The following RYR2 variants were observed in gnomAD, a reference collection of about 807,000 sequenced individuals.
RYR2 encodes cardiac muscle ryanodine receptor-calcium release channel.
Under a neutral mutation model 601.1 loss-of-function variants are expected in RYR2, and 227 were observed. The observed-to-expected ratio is 0.38, with a 90% CI of 0.34 to 0.42. RYR2 has a LOEUF of 0.42. Ranked by LOEUF, RYR2 falls within the 10% of genes least tolerant of loss-of-function variation. The pLI is 1.00. For missense variants in RYR2, 4,646 were observed against 6,156.5 expected (o/e 0.75, Z 8.21); for synonymous variants, 2,223 against 2,175.1 (o/e 1.02, Z -0.61).
At chr1:237,781,751 A>ATGAT (rs1233680456) in intron 89 of RYR2, 105 bp downstream of exon 89, 1 of 509,978 alleles carries the variant, frequency 2.0e-6, no homozygotes, top group Non-Finnish European at 3.5e-6. Context: ...GCACTCAGAT[A>ATGAT]TGATAGATGC....
chr1:237,176,462 C>A (rs1678072732), intron 1 of RYR2, among the ~76,000 whole-genome samples: 1 of 151,402 alleles, frequency 6.6e-6, no homozygotes, highest in Admixed American at 6.6e-5. Context: ...ATGAAAATCA[C>A]AAAAATGGCC....
At chr1:237,304,692 AAGG>A (rs1218367619) in intron 2 of RYR2, among the ~76,000 whole-genome samples, 2 of 152,000 alleles carry the variant, frequency 1.3e-5, no homozygotes, top group South Asian at 2.1e-4. Context: ...TATAGATAGA[AAGG>A]AGAATCATTT....
intron 77 of RYR2, among the ~76,000 whole-genome samples, chr1:237,730,820 A>C (rs778674949): frequency 6.6e-6 from 1 of 152,136 alleles, no homozygotes; most frequent in Non-Finnish European, 1.5e-5. Context: ...GTGGAGCATG[A>C]GAAGTAGAAT....
chr1:237,051,890 T>C (rs771558777), intron 1 of RYR2, among the ~76,000 whole-genome samples: 3 of 152,082 alleles, frequency 2.0e-5, no homozygotes, highest in Non-Finnish European at 4.4e-5. Flanking sequence ...TATTTTAAAA[T>C]GAGAGGGAAA....
intron 1 of RYR2, among the ~76,000 whole-genome samples, chr1:237,123,828 C>T (rs919771905): frequency 3.3e-5 from 5 of 151,622 alleles, no homozygotes; most frequent in Non-Finnish European, 5.9e-5. Flanking sequence ...CCACCGCGCC[C>T]GGCTAATTTT....
intron 54 of RYR2, 66 bp from the exon 55 acceptor site, chr1:237,659,919 C>T (rs1683608922): frequency 2.0e-6 from 2 of 1,023,152 alleles, no homozygotes; most frequent in Non-Finnish European, 1.4e-6. Context: ...ACTTAAACAC[C>T]TGCATATCTA....
chr1:237,640,213 C>T (rs1681329504), intron 46 of RYR2, among the ~76,000 whole-genome samples: 1 of 152,198 alleles, frequency 6.6e-6, no homozygotes, highest in Non-Finnish European at 1.5e-5. Flanking sequence ...CTCACTGTCA[C>T]TCTGCAGACT....
intron 1 of RYR2, among the ~76,000 whole-genome samples, chr1:237,258,167 TAAAAAAA>T (rs5781947): frequency 3.7e-5 from 4 of 108,272 alleles, no homozygotes; most frequent in Non-Finnish European, 7.1e-5. Context: ...AGACTCCATC[TAAAAAAA>T]AAAAAAAAAA....
chr1:237,043,741 AAAAAC>A (rs55938498), intron 1 of RYR2, among the ~76,000 whole-genome samples: 13 of 151,568 alleles, frequency 8.6e-5, no homozygotes, highest in South Asian at 2.1e-4. Flanking sequence ...TCAGCAGTAC[AAAAAC>A]AAAACAAAAC....
chr1:237,141,603 C>A (rs1310235586), intron 1 of RYR2, among the ~76,000 whole-genome samples: 2 of 152,198 alleles, frequency 1.3e-5, no homozygotes, highest in Non-Finnish European at 2.9e-5. Context: ...CAAGGAATGA[C>A]TCAAACAAGT....
At chr1:237,165,076 G>C (rs1425601635) in intron 1 of RYR2, among the ~76,000 whole-genome samples, 1 of 151,498 alleles carries the variant, frequency 6.6e-6, no homozygotes, top group Admixed American at 6.6e-5. Flanking sequence ...TCCTGCTTCA[G>C]CCTCCTAAGT....
At chr1:237,503,720 G>T (rs1055037974) in intron 22 of RYR2, among the ~76,000 whole-genome samples, 1 of 152,058 alleles carries the variant, frequency 6.6e-6, no homozygotes, top group Non-Finnish European at 1.5e-5. Context: ...TGTTGTCGTT[G>T]TTGTTGTGAT....
At chr1:237,321,245 A>G (rs1023025806) in intron 2 of RYR2, among the ~76,000 whole-genome samples, 23 of 152,116 alleles carry the variant, frequency 1.5e-4, no homozygotes, top group Non-Finnish European at 1.3e-4. Context: ...TATAGCTATT[A>G]TTACTTGTAT....
chr1:237,142,165 G>A (rs1673459080), intron 1 of RYR2, among the ~76,000 whole-genome samples: 1 of 152,228 alleles, frequency 6.6e-6, no homozygotes, highest in African/African-American at 2.4e-5. Context: ...GGCATGTAGG[G>A]TGGCTCCAGC....
intron 44 of RYR2, among the ~76,000 whole-genome samples, chr1:237,636,744 C>G (rs577551613): frequency 7.2e-5 from 11 of 152,294 alleles, no homozygotes; most frequent in African/African-American, 2.2e-4. Flanking sequence ...TTTCTAACAG[C>G]TTTATTCGTC....
intron 1 of RYR2, among the ~76,000 whole-genome samples, chr1:237,107,328 T>G (rs1047436520): frequency 1.3e-5 from 2 of 151,450 alleles, no homozygotes; most frequent in African/African-American, 4.8e-5. Flanking sequence ...GAGACCATCC[T>G]GGCTAACACG....
At chr1:237,574,115 T>C (rs1046455750) in intron 29 of RYR2, among the ~76,000 whole-genome samples, 1 of 152,196 alleles carries the variant, frequency 6.6e-6, no homozygotes, top group Non-Finnish European at 1.5e-5. Context: ...GATTCTCCCT[T>C]CTCTTTGGCT....
intron 90 of RYR2, among the ~76,000 whole-genome samples, chr1:237,785,673 G>A (rs549888245): frequency 6.6e-5 from 10 of 151,864 alleles, no homozygotes; most frequent in African/African-American, 2.4e-4. Flanking sequence ...TGGCATTGAA[G>A]GATGAGTAAG....
intron 1 of RYR2, among the ~76,000 whole-genome samples, chr1:237,157,039 T>C (rs1447925927): frequency 1.3e-5 from 2 of 152,108 alleles, no homozygotes; most frequent in African/African-American, 4.8e-5. Context: ...CTCACGCCTG[T>C]AATCCCAGCA....
Sources: gnomAD v4.1 joint callset for allele counts (sites outside exome capture counted in the v4.1 genomes callset) on GRCh38, gnomAD v4.1.1 for gene constraint, MANE v1.5 for transcripts, NCBI Gene and HGNC (gene_info 2026-07-23, HGNC 2026-07-21) for gene names.